Variants in GPHN observed in about 807,000 individuals in gnomAD.
The protein encoded by GPHN is gephyrin.
Under a neutral mutation model 95.5 loss-of-function variants are expected in GPHN, and 17 were observed. That is an observed-to-expected ratio of 0.18 (90% confidence interval 0.12 to 0.27). The LOEUF is 0.27. Ranked by LOEUF, GPHN falls within the 10% of genes least tolerant of loss-of-function variation. The pLI is 1.00. For missense variants in GPHN, 660 were observed against 978.1 expected (o/e 0.67, Z 4.34); for synonymous variants, 320 against 322.5 (o/e 0.99, Z 0.08).
the GPHN span, chr14:67,648,128 C>A: frequency 1.2e-6 from 2 of 1,613,992 alleles, no homozygotes; most frequent in Middle Eastern, 3.3e-4. Flanking sequence ...CTCCTGTTGT[C>A]GGGGGACTAA....
At chr14:67,591,867 C>T in the GPHN span, 2 of 147,188 alleles carry the variant, frequency 1.4e-5, no homozygotes, top group African/African-American at 5.0e-5. Flanking sequence ...AAGAGCAAAA[C>T]AAAAAAACCC....
chr14:67,114,622 C>G (rs180929614), intron 16 of GPHN, among the ~76,000 whole-genome samples: 1 of 152,146 alleles, frequency 6.6e-6, no homozygotes, highest in Non-Finnish European at 1.5e-5. Flanking sequence ...CTCAAGAATT[C>G]AAGGCTGCAG....
At chr14:66,932,460 T>TG (rs2066868637) in intron 8 of GPHN, among the ~76,000 whole-genome samples, 1 of 128,178 alleles carries the variant, frequency 7.8e-6, no homozygotes, top group African/African-American at 3.0e-5. Context: ...TTTTTTTTTT[T>TG]TTTTTTTTTT....
the GPHN span, among the ~76,000 whole-genome samples, chr14:67,310,007 CA>C: frequency 1.4e-5 from 2 of 146,060 alleles, no homozygotes; most frequent in African/African-American, 5.1e-5. Flanking sequence ...TTTTTTTTGG[CA>C]AAAAAGTAAC....
the GPHN span, among the ~76,000 whole-genome samples, chr14:67,434,374 T>G: frequency 2.0e-5 from 3 of 152,196 alleles, no homozygotes; most frequent in Admixed American, 1.3e-4. Flanking sequence ...AAGAAAACAG[T>G]TAGAACAAAG....
intron 21 of GPHN, among the ~76,000 whole-genome samples, chr14:67,170,772 T>C (rs2082554614): frequency 6.6e-6 from 1 of 152,216 alleles, no homozygotes; most frequent in South Asian, 2.1e-4. Flanking sequence ...GTTTCTTTTG[T>C]TTCTTAGCTT....
the GPHN span, chr14:67,581,082 C>A: frequency 8.1e-7 from 1 of 1,234,482 alleles, no homozygotes; most frequent in East Asian, 2.3e-5. Context: ...CAAGGGCTGC[C>A]ACTGGGTGCC....
chr14:66,754,058 T>C (rs905239817), intron 2 of GPHN, among the ~76,000 whole-genome samples: 2 of 152,160 alleles, frequency 1.3e-5, no homozygotes, highest in Non-Finnish European at 2.9e-5. Context: ...TTTTTATTTC[T>C]GGATAGTAAT....
At chr14:67,692,888 G>T in the GPHN span, 1 of 1,252,538 alleles carries the variant, frequency 8.0e-7, no homozygotes, top group Non-Finnish European at 1.2e-6. Context: ...TACTGTGAGG[G>T]GTAAAACAGC....
chr14:67,325,280 C>A, the GPHN span, among the ~76,000 whole-genome samples: 2 of 152,102 alleles, frequency 1.3e-5, no homozygotes, highest in Non-Finnish European at 2.9e-5. Context: ...TATCTTTTTT[C>A]ACTCTATGTC....
At chr14:66,629,765 C>G (rs546370002) in intron 1 of GPHN, among the ~76,000 whole-genome samples, 1 of 152,120 alleles carries the variant, frequency 6.6e-6, no homozygotes, top group East Asian at 1.9e-4. Flanking sequence ...TTTTTCAGCT[C>G]CATTATAATG....
intron 17 of GPHN, among the ~76,000 whole-genome samples, chr14:67,133,948 T>C (rs944539795): frequency 1.3e-5 from 2 of 152,216 alleles, no homozygotes; most frequent in African/African-American, 4.8e-5. Context: ...ATGTTTCTTA[T>C]GTTCAAAAAT....
intron 2 of GPHN, among the ~76,000 whole-genome samples, chr14:66,751,461 A>G (rs1469244117): frequency 2.0e-5 from 3 of 151,986 alleles, no homozygotes; most frequent in Non-Finnish European, 4.4e-5. Context: ...GCTTTTGTTT[A>G]TATGCTTGTT....
the GPHN span, among the ~76,000 whole-genome samples, chr14:67,329,596 A>G: frequency 6.6e-6 from 1 of 152,106 alleles, no homozygotes; most frequent in Non-Finnish European, 1.5e-5. Flanking sequence ...TCCATTCAGT[A>G]TGATATTGGC....
At chr14:67,116,289 AAAAGAAAAAGAAAG>A (rs2078688148) in intron 16 of GPHN, among the ~76,000 whole-genome samples, 1 of 147,768 alleles carries the variant, frequency 6.8e-6, no homozygotes, top group African/African-American at 2.4e-5. Flanking sequence ...AGAAAGAAAG[AAAAGAAAAAGAAAG>A]AAAGAAAGAA....
rs1193769376 is a variant in GPHN, at chr14:66,629,137, ATATT to A, written c.65-51966_65-51963del. Among the ~76,000 whole-genome samples, 276 of 128,718 alleles carry A rather than the reference ATATT, an allele frequency of 2.1e-3. 2 individuals are homozygous for A. The highest frequency in any genetic ancestry group is 5.5e-3 in the African/African-American group (180 of 33,010). 84.4% of individuals were successfully genotyped at this position (128,718 alleles called of 152,430 possible). A position where few individuals can be genotyped will look rare whatever the true frequency, so the allele number is the denominator to read the frequency against. On this transcript the variant is annotated intron_variant, in intron 1 of 22. Coordinates refer to ENST00000478722, the MANE Select transcript of GPHN (RefSeq NM_020806.5). ...CATATATAAATATGTATATAAATAT[ATATT>A]TATATACATATATAAATATGTATAT...
chr14:66,518,143 A>G (rs1026437070), intron 1 of GPHN, among the ~76,000 whole-genome samples: 1 of 77,066 alleles, frequency 1.3e-5, no homozygotes, highest in Non-Finnish European at 2.0e-5. Context: ...AAAACAAAAC[A>G]AAAAAAACCC....
chr14:66,718,662 G>T (rs1023443780), intron 2 of GPHN, among the ~76,000 whole-genome samples: 5 of 151,946 alleles, frequency 3.3e-5, no homozygotes, highest in Admixed American at 6.6e-5. Context: ...AGTGCTGATT[G>T]GTGTGTTTTT....
intron 1 of GPHN, among the ~76,000 whole-genome samples, chr14:66,645,201 G>C (rs1316900952): frequency 6.6e-6 from 1 of 152,104 alleles, no homozygotes; most frequent in South Asian, 2.1e-4. Flanking sequence ...GCATTACCTG[G>C]ATAACATGGT....
Sources: gnomAD v4.1 joint callset for allele counts (sites outside exome capture counted in the v4.1 genomes callset) on GRCh38, gnomAD v4.1.1 for gene constraint, MANE v1.5 for transcripts, NCBI Gene and HGNC (gene_info 2026-07-23, HGNC 2026-07-21) for gene names.